Variants in DNAAF11 observed in about 807,000 individuals in gnomAD.
DNAAF11 encodes the protein dynein axonemal assembly factor 11, also known as leucine rich repeat containing 6.
DNAAF11 carries 45 observed loss-of-function variants against 60.8 expected under a neutral mutation model. The observed-to-expected ratio is 0.74, with a 90% confidence interval of 0.58 to 0.95. DNAAF11 has a LOEUF of 0.95. Ranked by LOEUF, DNAAF11 falls within the 40% of genes least tolerant of loss-of-function variation. DNAAF11 has a pLI of 0.00. For synonymous variants in DNAAF11, 191 were observed against 183.5 expected (o/e 1.04, Z -0.33); for missense variants, 546 against 546.2 (o/e 1.00, Z 0.00).
At chr8:132,595,521 C>T (rs1816919514) in intron 10 of DNAAF11, among the ~76,000 whole-genome samples, 1 of 152,000 alleles carries the variant, frequency 6.6e-6, no homozygotes, top group African/African-American at 2.4e-5. Flanking sequence ...TAGGTTTCAA[C>T]ACGGGAATAA....
chr8:132,689,506 TGAAA>T, the DNAAF11 span, among the ~76,000 whole-genome samples: 1 of 182 alleles, frequency 5.5e-3, no homozygotes, highest in Non-Finnish European at 8.6e-3. Flanking sequence ...TGTCATTCCC[TGAAA>T]TGAAATGAAC....
rs557554343 is a variant in DNAAF11 at position 132,583,723 on chromosome 8, C to T, written c.1197G>A (p.Ser399=). 1.8e-5 allele frequency: 29 copies of T among 1,613,438 alleles called. No homozygotes were observed. The highest frequency in any genetic ancestry group is 2.2e-5 in the South Asian group (2 of 91,084). The part of the protein sequence containing the change: ...QRAFKSMKTT[S]DRSREQTNTR... ...TATTTGTTTGTTCTCTGCTCCTGTC[C>T]GAGGTAGTTTTCATAGATTTGAATG... The change falls in exon 11 of 12, where the codon TCG becomes TCA. Residue 399 remains serine, a synonymous_variant. Coordinates refer to ENST00000620350, the MANE Select transcript of DNAAF11 (RefSeq NM_012472.6).
intron 3 of DNAAF11, among the ~76,000 whole-genome samples, chr8:132,656,031 A>G (rs1164700906): frequency 6.6e-6 from 1 of 152,206 alleles, no homozygotes; most frequent in Non-Finnish European, 1.5e-5. Context: ...GCACATGTAC[A>G]CAAAGTAAAA....
At chr8:132,622,424 A>G (rs1819853614) in intron 7 of DNAAF11, among the ~76,000 whole-genome samples, 187 bp downstream of exon 7, 1 of 152,250 alleles carries the variant, frequency 6.6e-6, no homozygotes, top group Non-Finnish European at 1.5e-5. Flanking sequence ...AAAATTATGC[A>G]TTTGAAAACA....
chr8:132,665,206 C>T (rs1477142386), intron 1 of DNAAF11, among the ~76,000 whole-genome samples: 1 of 151,946 alleles, frequency 6.6e-6, no homozygotes, highest in African/African-American at 2.4e-5. Flanking sequence ...TGCTGCTTCA[C>T]CTGTAATGGC....
At chr8:132,657,582 G>A (rs941236459) in intron 2 of DNAAF11, among the ~76,000 whole-genome samples, 2 of 152,060 alleles carry the variant, frequency 1.3e-5, no homozygotes, top group Non-Finnish European at 2.9e-5. Flanking sequence ...TTGACTTGAA[G>A]CCAAAATCAA....
intron 1 of DNAAF11, among the ~76,000 whole-genome samples, chr8:132,672,344 C>T (rs1225336466): frequency 6.6e-6 from 1 of 152,190 alleles, no homozygotes; most frequent in Non-Finnish European, 1.5e-5. Flanking sequence ...TCATTTTCCT[C>T]TTGCCACCAT....
the DNAAF11 span, among the ~76,000 whole-genome samples, chr8:132,692,505 G>A: frequency 2.0e-5 from 3 of 152,148 alleles, no homozygotes; most frequent in African/African-American, 7.2e-5. Flanking sequence ...CTCTTAAATT[G>A]TTAGCACTGA....
At chr8:132,610,143 T>C (rs1041661698) in intron 10 of DNAAF11, 23 bp downstream of exon 10, 1 of 1,579,608 alleles carries the variant, frequency 6.3e-7, no homozygotes, top group Non-Finnish European at 8.7e-7. Flanking sequence ...AGACTTGAAA[T>C]TGACCCAAAT....
chr8:132,656,839 T>A lies in DNAAF11; in HGVS notation c.247A>T (p.Asn83Tyr). Reference protein sequence around the residue: ...LALNNIEKIENLEGCEELAKL... With the variant: ...LALNNIEKIEYLEGCEELAKL... ...GAAGAAACAGTCTTACCTTCCAAGT[T>A]TTCTATTTTTTCAATGTTGTTTAAA... Residue 83 changes from asparagine to tyrosine, a missense_variant, in exon 3 of 12, where the codon AAC becomes TAC. Asn to Tyr is a moderately radical substitution (Grantham distance 143). Transcript: ENST00000620350. The A allele has an allele frequency of 7.6e-7, 1 of 1,322,772 alleles. No homozygotes were observed. Among genetic ancestry groups the A allele is most frequent in the Non-Finnish European group, 1.1e-6 (1 of 939,164 alleles). 81.9% of individuals were successfully genotyped at this position (1,322,772 alleles called of 1,614,324 possible).
chr8:132,698,217 C>T, the DNAAF11 span, among the ~76,000 whole-genome samples: 3 of 152,178 alleles, frequency 2.0e-5, no homozygotes, highest in Non-Finnish European at 4.4e-5. Context: ...TATGCACAAA[C>T]CTATCCCACA....
chr8:132,573,097 T>C (rs1301717019), intron 11 of DNAAF11, among the ~76,000 whole-genome samples: 2 of 151,874 alleles, frequency 1.3e-5, no homozygotes, highest in Admixed American at 6.6e-5. Flanking sequence ...TGGTCAGATA[T>C]AGATATAGAT....
chr8:132,615,624 T>C (rs1819070294), intron 7 of DNAAF11, among the ~76,000 whole-genome samples: 1 of 152,208 alleles, frequency 6.6e-6, no homozygotes, highest in African/African-American at 2.4e-5. Context: ...CTCTGTTTTA[T>C]AGATGAAGAA....
At chr8:132,580,288 T>G (rs1340133039) in intron 11 of DNAAF11, among the ~76,000 whole-genome samples, 1 of 152,106 alleles carries the variant, frequency 6.6e-6, no homozygotes, top group African/African-American at 2.4e-5. Context: ...CAGTGAGGCA[T>G]GAAGAGGAAA....
intron 1 of DNAAF11, among the ~76,000 whole-genome samples, chr8:132,666,603 A>C (rs1310582873): frequency 6.6e-6 from 1 of 152,200 alleles, no homozygotes; most frequent in Non-Finnish European, 1.5e-5. Context: ...AGAAGCAGGC[A>C]ATGTCGACAG....
At chr8:132,611,566 C>A (rs979448590) in intron 8 of DNAAF11, among the ~76,000 whole-genome samples, 1 of 152,080 alleles carries the variant, frequency 6.6e-6, no homozygotes, top group Non-Finnish European at 1.5e-5. Context: ...TTTTTAGACC[C>A]ACAAGTATAC....
intron 1 of DNAAF11, 93 bp downstream of exon 1, chr8:132,675,391 C>A (rs145676586): frequency 2.9e-6 from 4 of 1,400,400 alleles, no homozygotes; most frequent in Non-Finnish European, 2.9e-6. Context: ...GAACCGACAG[C>A]GCAGGGCGGG....
intron 2 of DNAAF11, among the ~76,000 whole-genome samples, chr8:132,659,134 G>A (rs1443777978): frequency 2.0e-5 from 3 of 152,186 alleles, no homozygotes; most frequent in African/African-American, 7.2e-5. Flanking sequence ...TGGGGACGGG[G>A]CACTTGACAA....
intron 10 of DNAAF11, among the ~76,000 whole-genome samples, chr8:132,588,133 T>C (rs1205584178): frequency 6.6e-6 from 1 of 152,210 alleles, no homozygotes; most frequent in Non-Finnish European, 1.5e-5. Flanking sequence ...ATATCTATGT[T>C]TGACCCATAA....
Sources: gnomAD v4.1 joint callset for allele counts (sites outside exome capture counted in the v4.1 genomes callset) on GRCh38, gnomAD v4.1.1 for gene constraint, MANE v1.5 for transcripts, NCBI Gene and HGNC (gene_info 2026-07-23, HGNC 2026-07-21) for gene names.